The following THSD7B variants were observed in gnomAD, a reference collection of about 807,000 sequenced individuals.
THSD7B encodes the protein thrombospondin type 1 domain containing 7B.
THSD7B carries 138 observed loss-of-function variants against 213.6 expected under a neutral mutation model. That is an observed-to-expected ratio of 0.65 (90% CI 0.56 to 0.74). The LOEUF (loss-of-function observed/expected upper bound fraction) is 0.74. Ranked by LOEUF, THSD7B falls within the 30% of genes least tolerant of loss-of-function variation. The pLI is 0.00. For synonymous variants in THSD7B, 742 were observed against 687.0 expected (o/e 1.08, Z -1.25); for missense variants, 1,931 against 1,991.5 (o/e 0.97, Z 0.58).
intron 17 of THSD7B, among the ~76,000 whole-genome samples, chr2:137,586,875 G>A (rs1025231398): frequency 3.9e-5 from 6 of 152,180 alleles, no homozygotes; most frequent in South Asian, 2.1e-4. Flanking sequence ...GAATTTGAAT[G>A]TTGGCCTGCC....
chr2:136,826,074 G>A (rs1682642750), intron 1 of THSD7B, among the ~76,000 whole-genome samples: 1 of 152,100 alleles, frequency 6.6e-6, no homozygotes, highest in African/African-American at 2.4e-5. Context: ...TGTCGTGACA[G>A]ATTGAAAAAG....
Position 137,315,220 on chromosome 2 carries a change from T to C in THSD7B, c.2500+39194T>C, listed in dbSNP as rs565099701. ...GATATAATCTCCTGGTGCGCTGTTT[T>C]TTAAGCCCATCAGAAAAGCGCAGTA... On this transcript the variant is annotated intron_variant, in intron 12 of 27. Coordinates refer to ENST00000409968, the MANE Select transcript of THSD7B (RefSeq NM_001316349.2). Among the ~76,000 whole-genome samples, 4 of 152,326 alleles carry C rather than the reference T, an allele frequency of 2.6e-5. No homozygotes were observed. The East Asian group carries it at 7.7e-4, about 29-fold the overall frequency.
At chr2:137,247,548 A>C (rs1682067143) in intron 10 of THSD7B, among the ~76,000 whole-genome samples, 1 of 152,178 alleles carries the variant, frequency 6.6e-6, no homozygotes, top group Admixed American at 6.5e-5. Context: ...TCTAGAAACC[A>C]TGGAGCTAAT....
intron 12 of THSD7B, among the ~76,000 whole-genome samples, chr2:137,355,283 A>C (rs554425202): frequency 6.6e-6 from 1 of 152,308 alleles, no homozygotes; most frequent in African/African-American, 2.4e-5. Flanking sequence ...ATGGCCATTT[A>C]AATACTGCAA....
chr2:136,982,423 C>T (rs546251155), intron 2 of THSD7B, among the ~76,000 whole-genome samples: 16 of 152,016 alleles, frequency 1.1e-4, no homozygotes, highest in Non-Finnish European at 1.9e-4. Context: ...CTCGGCCTCC[C>T]GAAGTGCTAG....
intron 7 of THSD7B, among the ~76,000 whole-genome samples, chr2:137,199,846 G>C (rs764769408): frequency 6.6e-6 from 1 of 152,066 alleles, no homozygotes; most frequent in Non-Finnish European, 1.5e-5. Flanking sequence ...TTTTAATAGA[G>C]AAAATGAAAA....
rs191090383 is a variant in THSD7B at position 137,347,029 on chromosome 2, G to A, written c.2501-58584G>A. Among the ~76,000 whole-genome samples the A allele has an allele frequency of 1.8e-3, 275 of 151,648 alleles. 1 individual carries two copies. Among genetic ancestry groups the A allele is most frequent in the African/African-American group, 6.0e-3 (250 of 41,466 alleles). On this transcript the variant is annotated intron_variant, in intron 12 of 27. Coordinates refer to ENST00000409968, the MANE Select transcript of THSD7B (RefSeq NM_001316349.2). ...TATTTTCCATAGCTGCTGCACCATTGCAACCCCACCAACAGTGCACAAGGA... is the reference window on the plus strand; with the variant it reads ...TATTTTCCATAGCTGCTGCACCATTACAACCCCACCAACAGTGCACAAGGA...
chr2:137,021,739 C>T (rs1313450752), intron 2 of THSD7B, among the ~76,000 whole-genome samples: 1 of 152,184 alleles, frequency 6.6e-6, no homozygotes, highest in Non-Finnish European at 1.5e-5. Context: ...TTTATAGACA[C>T]ACCCATACTC....
rs539332097 is a variant in THSD7B at position 137,388,600 on chromosome 2, CA to C, written c.2501-17012del. 2.2e-3 allele frequency among the ~76,000 whole-genome samples: 334 copies of C among 152,186 alleles called. 2 individuals carry two copies. Among genetic ancestry groups the C allele is most frequent in the African/African-American group, 7.3e-3 (302 of 41,562 alleles). The stretch of plus-strand genomic sequence containing the variant: ...ATAGTTGCCCTAGTCTCTTATCAAA[CA>C]TTAGAACTCCCTCCTACCTAATTAT... On this transcript the variant is annotated intron_variant, in intron 12 of 27. Transcript: ENST00000409968.
intron 14 of THSD7B, among the ~76,000 whole-genome samples, chr2:137,445,579 A>G (rs1198618004): frequency 6.6e-6 from 1 of 151,944 alleles, no homozygotes; most frequent in African/African-American, 2.4e-5. Context: ...TCATGGAAGT[A>G]GTGAAGAGAA....
intron 13 of THSD7B, among the ~76,000 whole-genome samples, chr2:137,407,520 C>G (rs575240213): frequency 2.6e-5 from 4 of 152,154 alleles, no homozygotes; most frequent in African/African-American, 9.6e-5. Flanking sequence ...AATATTTTCA[C>G]TTTTCAAGAC....
intron 17 of THSD7B, among the ~76,000 whole-genome samples, chr2:137,604,007 A>G (rs1682123385): frequency 6.6e-6 from 1 of 151,922 alleles, no homozygotes; most frequent in African/African-American, 2.4e-5. Flanking sequence ...GCTACTTGGG[A>G]GGCTGGGGCA....
rs529580920 is a variant in THSD7B, at chr2:137,462,553, T to C, written c.3138+11530T>C. On this transcript the variant is annotated intron_variant, in intron 15 of 27. Coordinates refer to ENST00000409968, the MANE Select transcript of THSD7B (RefSeq NM_001316349.2). ...TGTAATTGCTCCCTCTCCTGATTCA[T>C]CCTTTTAAAACAAAATAAAACAAAC... is the stretch of plus-strand genomic sequence containing the variant. Among the ~76,000 whole-genome samples the C allele has an allele frequency of 6.4e-4, 98 of 152,194 alleles. 1 individual carries two copies. Among genetic ancestry groups the C allele is most frequent in the African/African-American group, 2.3e-3 (95 of 41,528 alleles).
In THSD7B at chr2:137,252,732, A is replaced by T. The variant is rs201655293; in HGVS notation, c.2266+10160A>T. 2.6e-5 allele frequency among the ~76,000 whole-genome samples: 4 copies of T among 152,248 alleles called. No individual in the cohort carries two copies. The East Asian group carries it at 7.7e-4, about 29-fold the overall frequency. On this transcript the variant is annotated intron_variant, in intron 10 of 27. Coordinates refer to ENST00000409968, the MANE Select transcript of THSD7B (RefSeq NM_001316349.2). ...AGGTGGCAGAGAATGATGCAGGAGC[A>T]TCCCTCCGGAGAGGGCTTGTGGTGT...
intron 15 of THSD7B, among the ~76,000 whole-genome samples, chr2:137,474,210 T>C (rs1047925695): frequency 6.6e-5 from 10 of 152,206 alleles, no homozygotes; most frequent in Non-Finnish European, 1.0e-4. Context: ...TGCTCCTCAA[T>C]TTTCTGATGT....
chr2:137,427,034 G>T (rs1397348223), intron 14 of THSD7B, among the ~76,000 whole-genome samples: 3 of 151,900 alleles, frequency 2.0e-5, no homozygotes, highest in African/African-American at 7.3e-5. Flanking sequence ...AGCCAACAAG[G>T]ATATGAAAAG....
chr2:136,813,491 G>A (rs1464471602), intron 1 of THSD7B, among the ~76,000 whole-genome samples: 2 of 147,146 alleles, frequency 1.4e-5, no homozygotes, highest in African/African-American at 5.4e-5. Flanking sequence ...CAAATGGCTC[G>A]CCTGTATTTA....
Position 137,115,269 on chromosome 2 carries a change from G to T in THSD7B, c.1345G>T (p.Ala449Ser). ...EVYCAQSVPA[A>S]AALRAKEVSR... is the part of the protein sequence containing the mutation. ...GTACTGTGCCCAGAGCGTACCAGCA[G>T]CTGCCGCACTGAGGGCCAAGGAAGG... Residue 449 changes from alanine to serine, a missense_variant, in exon 5 of 28, where the codon GCT becomes TCT. Ala to Ser is a moderately conservative substitution (Grantham distance 99). Coordinates refer to ENST00000409968, the MANE Select transcript of THSD7B (RefSeq NM_001316349.2). 6.3e-7 allele frequency: 1 copy of T among 1,587,870 alleles called. No individual in the cohort carries two copies. The highest frequency in any genetic ancestry group is 8.6e-7 in the Non-Finnish European group (1 of 1,168,204).
chr2:136,916,942 A>G (rs1435930763), intron 2 of THSD7B, among the ~76,000 whole-genome samples: 1 of 152,316 alleles, frequency 6.6e-6, no homozygotes, highest in East Asian at 1.9e-4. Context: ...TCTAAAATAC[A>G]CAATTAGAGC....
Sources: allele counts gnomAD v4.1 joint callset (sites outside exome capture counted in the v4.1 genomes callset), GRCh38; gene constraint gnomAD v4.1.1; transcripts MANE v1.5; gene names NCBI Gene and HGNC (gene_info 2026-07-23, HGNC 2026-07-21).